Variants in MPP7 observed in about 807,000 individuals in gnomAD.
The protein encoded by MPP7 is MAGUK p55 scaffold protein 7.
Under a neutral mutation model 76.5 loss-of-function variants are expected in MPP7, and 60 were observed. The ratio of observed to expected loss-of-function variants is 0.78; its 90% confidence interval spans 0.64 to 0.97. The LOEUF (loss-of-function observed/expected upper bound fraction) is 0.97, where lower values mean the gene tolerates loss of function less well. Ranked by LOEUF, MPP7 falls within the 50% of genes least tolerant of loss-of-function variation. The pLI, the probability that MPP7 is intolerant of heterozygous loss-of-function variation, is 0.00. For missense variants in MPP7, 641 were observed against 694.0 expected (o/e 0.92, Z 0.86); for synonymous variants, 237 against 244.5 (o/e 0.97, Z 0.29).
At chr10:28,122,065 T>C (rs1270211975) in intron 8 of MPP7, among the ~76,000 whole-genome samples, 2 of 152,222 alleles carry the variant, frequency 1.3e-5, no homozygotes, top group Non-Finnish European at 2.9e-5. Flanking sequence ...AAAATGGTAA[T>C]ATCATTGCTA....
At chr10:28,283,954 C>T (rs1038633030) in intron 1 of MPP7, among the ~76,000 whole-genome samples, 1 of 152,148 alleles carries the variant, frequency 6.6e-6, no homozygotes, top group Non-Finnish European at 1.5e-5. Context: ...AATTTAAATA[C>T]CCAGTTTCAG....
At chr10:28,212,830 AGGGTACT>A (rs1279166022) in intron 2 of MPP7, among the ~76,000 whole-genome samples, 1 of 152,224 alleles carries the variant, frequency 6.6e-6, no homozygotes, top group Non-Finnish European at 1.5e-5. Context: ...AGCAATGCGC[AGGGTACT>A]GACTACCTTT....
At chr10:28,283,668 C>T (rs1840731898) in intron 1 of MPP7, among the ~76,000 whole-genome samples, 1 of 151,964 alleles carries the variant, frequency 6.6e-6, no homozygotes, top group African/African-American at 2.4e-5. Flanking sequence ...GCGCCCGCCA[C>T]CACGCCCAGC....
At chr10:28,313,358 T>C (rs1043779040) in intron 2 of MPP7, among the ~76,000 whole-genome samples, 1 of 151,990 alleles carries the variant, frequency 6.6e-6, no homozygotes, top group Non-Finnish European at 1.5e-5. Flanking sequence ...ATACAAAAAT[T>C]AGCTGGGCGT....
chr10:28,329,588 G>A (rs981687176), intron 2 of MPP7, among the ~76,000 whole-genome samples: 1 of 137,082 alleles, frequency 7.3e-6, no homozygotes, highest in Admixed American at 8.1e-5. Flanking sequence ...GAGAGATCGC[G>A]CCACTGCACT....
chr10:28,293,162 C>T (rs1054754656), intron 1 of MPP7, among the ~76,000 whole-genome samples: 7 of 150,078 alleles, frequency 4.7e-5, no homozygotes, highest in East Asian at 1.9e-4. Flanking sequence ...TAAAATCCAA[C>T]GAGAGACTGA....
intron 11 of MPP7, among the ~76,000 whole-genome samples, chr10:28,106,883 A>C (rs967645167): frequency 2.0e-5 from 3 of 152,184 alleles, no homozygotes; most frequent in African/African-American, 7.2e-5. Flanking sequence ...AAAGAAACCC[A>C]TATTTCTGAT....
intron 1 of MPP7, among the ~76,000 whole-genome samples, chr10:28,260,716 G>C (rs985255092): frequency 7.1e-6 from 1 of 141,142 alleles, no homozygotes; most frequent in Non-Finnish European, 1.5e-5. Context: ...AGGTTGCAGT[G>C]AGCCAAGATT....
At chr10:28,245,332 C>T (rs1167526921) in intron 1 of MPP7, among the ~76,000 whole-genome samples, 1 of 152,154 alleles carries the variant, frequency 6.6e-6, no homozygotes, top group African/African-American at 2.4e-5. Context: ...TATAATTCTA[C>T]ATTTTTTTGT....
chr10:28,149,929 T>G (rs564885801), intron 4 of MPP7, 53 bp downstream of exon 4: 126 of 1,421,868 alleles, frequency 8.9e-5, no homozygotes, highest in Non-Finnish European at 1.1e-4. Context: ...AGGTTCTGCC[T>G]GGGCCAGGTC....
intron 1 of MPP7, among the ~76,000 whole-genome samples, chr10:28,280,774 G>A (rs994435375): frequency 6.6e-5 from 10 of 150,828 alleles, no homozygotes; most frequent in African/African-American, 1.7e-4. Context: ...CTGGGAAAGC[G>A]CAGGCCAGAC....
At chr10:28,219,425 A>G (rs1489352425) in intron 2 of MPP7, among the ~76,000 whole-genome samples, 1 of 152,198 alleles carries the variant, frequency 6.6e-6, no homozygotes, top group Non-Finnish European at 1.5e-5. Context: ...CCAGATGCTC[A>G]ACATTCCTGA....
intron 3 of MPP7, among the ~76,000 whole-genome samples, chr10:28,201,404 C>T (rs1165483182): frequency 6.6e-6 from 1 of 152,158 alleles, no homozygotes; most frequent in Non-Finnish European, 1.5e-5. Context: ...GTTTCTACCT[C>T]CTCATAAACT....
intron 2 of MPP7, among the ~76,000 whole-genome samples, chr10:28,203,420 T>C (rs1837844731): frequency 6.7e-6 from 1 of 148,426 alleles, no homozygotes; most frequent in Non-Finnish European, 1.5e-5. Flanking sequence ...AAAATTAAGA[T>C]ACATAACTTG....
chr10:28,087,937 CCTT>C (rs1853099438), intron 12 of MPP7, among the ~76,000 whole-genome samples: 2 of 152,136 alleles, frequency 1.3e-5, no homozygotes, highest in Admixed American at 6.5e-5. Flanking sequence ...TCCTCCTCCT[CCTT>C]GAGGAGGCTC....
intron 12 of MPP7, among the ~76,000 whole-genome samples, chr10:28,085,960 TA>T (rs1852988780): frequency 6.6e-6 from 1 of 152,042 alleles, no homozygotes; most frequent in Non-Finnish European, 1.5e-5. Context: ...TATGCAGCCA[TA>T]AAAAAGGATG....
intron 1 of MPP7, among the ~76,000 whole-genome samples, chr10:28,249,853 G>A (rs908295921): frequency 2.0e-5 from 3 of 152,118 alleles, no homozygotes; most frequent in South Asian, 2.1e-4. Flanking sequence ...TTCTCTTCTC[G>A]CATGGAGAAG....
At chr10:28,201,485 C>T (rs761150247) in intron 3 of MPP7, among the ~76,000 whole-genome samples, 4 of 152,244 alleles carry the variant, frequency 2.6e-5, no homozygotes, top group Non-Finnish European at 5.9e-5. Context: ...TCCAGAAGCA[C>T]AAGTGGCATA....
intron 3 of MPP7, among the ~76,000 whole-genome samples, chr10:28,195,576 C>T (rs1297527121): frequency 6.6e-6 from 1 of 152,168 alleles, no homozygotes; most frequent in Non-Finnish European, 1.5e-5. Flanking sequence ...AGTACTGATA[C>T]ATGCTATAAT....
Sources: gnomAD v4.1 joint callset for allele counts (sites outside exome capture counted in the v4.1 genomes callset) on GRCh38, gnomAD v4.1.1 for gene constraint, MANE v1.5 for transcripts, NCBI Gene and HGNC (gene_info 2026-07-23, HGNC 2026-07-21) for gene names.